The following GSG1L variants were observed in gnomAD, a reference collection of about 807,000 sequenced individuals.
The protein encoded by GSG1L is germ cell-specific gene 1-like protein.
GSG1L carries 24 observed loss-of-function variants against 42.1 expected under a neutral mutation model. That is an observed-to-expected ratio of 0.57 (90% CI 0.41 to 0.80). The LOEUF is 0.80. Among genes scored for constraint, GSG1L ranks in the 30% least tolerant of loss-of-function variants. The pLI is 0.00. For synonymous variants in GSG1L, 215 were observed against 203.5 expected (o/e 1.06, Z -0.48); for missense variants, 445 against 472.2 (o/e 0.94, Z 0.53).
intron 2 of GSG1L, among the ~76,000 whole-genome samples, chr16:27,936,541 G>A (rs2084720155): frequency 6.6e-6 from 1 of 152,146 alleles, no homozygotes; most frequent in Admixed American, 6.6e-5. Context: ...AGCAGCCTGA[G>A]GCCCTCACCA....
chr16:27,966,023 T>C (rs1200929115), intron 1 of GSG1L, among the ~76,000 whole-genome samples: 1 of 152,170 alleles, frequency 6.6e-6, no homozygotes, highest in East Asian at 1.9e-4. Flanking sequence ...TTTGGTCTCC[T>C]TGCCAATCTT....
Position 27,843,951 on chromosome 16 carries a change from T to C in GSG1L, c.662+999A>G, listed in dbSNP as rs1020929706. Among the ~76,000 whole-genome samples, 15 of 152,252 alleles carry C rather than the reference T, an allele frequency of 9.9e-5. No homozygotes were observed. In the Middle Eastern group the frequency reaches 0.01, roughly 104 times the overall value. On this transcript the variant is annotated intron_variant, in intron 4 of 6. Transcript: ENST00000447459. ...ACAAGGGAAGGAGAATGCACCAGCC[T>C]TAGGAAGAGCTCTCCCCAACAGGGA...
At chr16:27,997,146 A>C (rs1173020517) in intron 1 of GSG1L, among the ~76,000 whole-genome samples, 1 of 152,020 alleles carries the variant, frequency 6.6e-6, no homozygotes, top group Non-Finnish European at 1.5e-5. Context: ...CATCCCCTAG[A>C]GGAGGCTCCA....
intron 2 of GSG1L, among the ~76,000 whole-genome samples, chr16:27,961,390 G>A (rs1378897890): frequency 6.6e-6 from 1 of 152,080 alleles, no homozygotes; most frequent in Non-Finnish European, 1.5e-5. Context: ...CATCCCAGAG[G>A]ACTGCACATC....
At chr16:27,939,335 C>T (rs181383343) in intron 2 of GSG1L, among the ~76,000 whole-genome samples, 41 of 152,088 alleles carry the variant, frequency 2.7e-4, no homozygotes, top group African/African-American at 7.7e-4. Flanking sequence ...ACTATGTTGC[C>T]CAGGCTGGTC....
At chr16:27,894,541 G>GA (rs2084167424) in intron 2 of GSG1L, among the ~76,000 whole-genome samples, 1 of 152,220 alleles carries the variant, frequency 6.6e-6, no homozygotes, top group Admixed American at 6.5e-5. Context: ...CTGGCTGTGA[G>GA]ATGGGTGACA....
intron 2 of GSG1L, among the ~76,000 whole-genome samples, chr16:27,895,333 G>T (rs146793428): frequency 1.4e-4 from 22 of 152,240 alleles, no homozygotes; most frequent in African/African-American, 5.3e-4. Context: ...AGGGGACACG[G>T]ATCCCACCCG....
At chr16:28,054,543 C>T (rs1446180937) in intron 1 of GSG1L, among the ~76,000 whole-genome samples, 3 of 152,068 alleles carry the variant, frequency 2.0e-5, no homozygotes, top group Non-Finnish European at 4.4e-5. Context: ...GCAGGAGAAT[C>T]GCTTAAACCC....
At chr16:27,948,558 G>A (rs1596639072) in intron 2 of GSG1L, among the ~76,000 whole-genome samples, 1 of 149,784 alleles carries the variant, frequency 6.7e-6, no homozygotes, top group African/African-American at 2.5e-5. Context: ...ATTTTTAGTA[G>A]AGACGTGATT....
intron 1 of GSG1L, among the ~76,000 whole-genome samples, chr16:28,047,642 G>A (rs1055368982): frequency 6.6e-6 from 1 of 151,672 alleles, no homozygotes; most frequent in Non-Finnish European, 1.5e-5. Context: ...AAAGAAAGCA[G>A]GGATAGCAAT....
intron 2 of GSG1L, among the ~76,000 whole-genome samples, chr16:27,922,627 C>A (rs150808778): frequency 6.2e-4 from 95 of 152,232 alleles, no homozygotes; most frequent in Non-Finnish European, 9.4e-4. Flanking sequence ...TCAGCACTGC[C>A]CTTTGGACAG....
In GSG1L at chr16:27,788,198, C is replaced by T. The variant is rs1176789934; in HGVS notation, c.*3172G>A. The T allele has an allele frequency of 6.6e-6, 1 of 152,176 alleles. No homozygotes were observed. The highest frequency in any genetic ancestry group is 2.4e-5 in the African/African-American group (1 of 41,404). The allele number at this position is 152,176 out of a possible 1,614,324, so 9.4% of individuals were successfully genotyped here. A position where few individuals can be genotyped will look rare whatever the true frequency, so the allele number is the denominator to read the frequency against. On this transcript the variant is annotated 3_prime_UTR_variant, in exon 7 of 7. Transcript: ENST00000447459. ...GAGTCGTCACCAACTTTCCTCTTCTCCCACTCAGTCTATTCCCTCCTAATT... is the reference window on the plus strand; with the variant it reads ...GAGTCGTCACCAACTTTCCTCTTCTTCCACTCAGTCTATTCCCTCCTAATT...
intron 2 of GSG1L, among the ~76,000 whole-genome samples, chr16:27,888,927 G>GATATAGAT (rs1555506438): frequency 2.1e-5 from 3 of 142,108 alleles, no homozygotes; most frequent in Admixed American, 7.3e-5. Context: ...CTTGTGCTTA[G>GATATAGAT]ATAGATATAG....
chr16:27,981,681 T>C (rs2085328148), intron 1 of GSG1L, among the ~76,000 whole-genome samples: 1 of 152,156 alleles, frequency 6.6e-6, no homozygotes, highest in Admixed American at 6.5e-5. Flanking sequence ...TTTCTACAAA[T>C]GGATGAAATA....
chr16:27,873,957 C>G (rs893342363), intron 3 of GSG1L, among the ~76,000 whole-genome samples: 9 of 152,216 alleles, frequency 5.9e-5, no homozygotes, highest in African/African-American at 2.2e-4. Flanking sequence ...AGTCCCCAAA[C>G]AGGGAAGACT....
At chr16:27,979,726 G>GAAAAA (rs2085300183) in intron 1 of GSG1L, among the ~76,000 whole-genome samples, 20 of 53,600 alleles carry the variant, frequency 3.7e-4, no homozygotes, top group East Asian at 7.6e-4. Context: ...AAGGAAGGAA[G>GAAAAA]GAAAGAAAAA....
intron 1 of GSG1L, among the ~76,000 whole-genome samples, chr16:28,018,507 C>T (rs888164280): frequency 6.6e-6 from 1 of 152,166 alleles, no homozygotes; most frequent in Non-Finnish European, 1.5e-5. Flanking sequence ...CCCCAAAAGC[C>T]CCCAGCAGAG....
At chr16:27,901,941 C>T (rs1022231123) in intron 2 of GSG1L, among the ~76,000 whole-genome samples, 1 of 152,222 alleles carries the variant, frequency 6.6e-6, no homozygotes, top group Non-Finnish European at 1.5e-5. Context: ...TGTTCTTCCC[C>T]CAGCGTCACT....
intron 2 of GSG1L, among the ~76,000 whole-genome samples, chr16:27,924,775 C>T (rs886469214): frequency 1.3e-5 from 2 of 152,096 alleles, no homozygotes; most frequent in South Asian, 2.1e-4. Context: ...ACAGAAAGGG[C>T]GTTTTCATAT....
Sources: gnomAD v4.1 joint callset for allele counts (sites outside exome capture counted in the v4.1 genomes callset) on GRCh38, gnomAD v4.1.1 for gene constraint, MANE v1.5 for transcripts, NCBI Gene and HGNC (gene_info 2026-07-23, HGNC 2026-07-21) for gene names.